The following POTEI variants were observed in gnomAD, a reference collection of about 807,000 sequenced individuals.
The protein encoded by POTEI is POTE ankyrin domain family, member I.
A neutral mutation model predicts 43.4 loss-of-function variants in POTEI; 14 were observed. The ratio of observed to expected loss-of-function variants is 0.32; its 90% CI spans 0.21 to 0.50. The LOEUF is 0.50. Among genes scored for constraint, POTEI ranks in the 20% least tolerant of loss-of-function variants. The probability of loss-of-function intolerance (pLI) is 0.98; values close to 1 mark genes in which losing one functional copy is unlikely to be tolerated. For missense variants in POTEI, 235 were observed against 795.4 expected (o/e 0.30, Z 8.47); for synonymous variants, 95 against 297.9 (o/e 0.32, Z 7.01).
intron 3 of POTEI, among the ~76,000 whole-genome samples, chr2:130,502,074 TG>T (rs1169488499): frequency 2.1e-5 from 1 of 47,904 alleles, no homozygotes; most frequent in African/African-American, 4.3e-5. Flanking sequence ...AGAAAATTGT[TG>T]TTGTTGTCGT....
At chr2:130,496,381 C>T (rs1573934847) in intron 6 of POTEI, among the ~76,000 whole-genome samples, 171 bp downstream of exon 6, 1 of 104,396 alleles carries the variant, frequency 9.6e-6, no homozygotes. Context: ...TTATATATTA[C>T]AATGTGATAA....
At position 130,488,555 on chromosome 2, in the gene POTEI, A is replaced by G. The variant is rs544670403; in HGVS notation, c.1243-357T>C. On this transcript the variant is annotated intron_variant, in intron 8 of 14. Coordinates refer to ENST00000451531, the MANE Select transcript of POTEI (RefSeq NM_001277406.2). ...CTCATGGGAACACGCAAATAAAAAG[A>G]CAAAGATGCAAAATGTGTCTTCTGT... Among the ~76,000 whole-genome samples the G allele has an allele frequency of 5.6e-3, 680 of 121,530 alleles. 43 individuals carry two copies. Among genetic ancestry groups the G allele is most frequent in the African/African-American group, 0.02 (628 of 32,182 alleles). 79.7% of individuals were successfully genotyped at this position (121,530 alleles called of 152,430 possible).
chr2:130,485,150 T>C (rs1275149160), intron 9 of POTEI, among the ~76,000 whole-genome samples: 1 of 151,414 alleles, frequency 6.6e-6, no homozygotes, highest in Non-Finnish European at 1.5e-5. Flanking sequence ...AATCTGGAAT[T>C]AAGGAGAGAG....
upstream of POTEI, chr2:130,509,643 C>T (rs900599980): frequency 8.1e-5 from 6 of 73,620 alleles, no homozygotes; most frequent in African/African-American, 5.3e-4. Flanking sequence ...CAAGCCAAGC[C>T]GCTACAGGCC....
chr2:130,491,237 T>C (rs1174990571), intron 6 of POTEI, among the ~76,000 whole-genome samples: 858 of 138,544 alleles, frequency 6.2e-3, no homozygotes, highest in Non-Finnish European at 9.9e-3. Flanking sequence ...AACAAAATCC[T>C]TTACTGTCTC....
intron 6 of POTEI, 39 bp downstream of exon 6, chr2:130,496,513 G>T (rs1407767409): frequency 2.3e-6 from 3 of 1,322,954 alleles, no homozygotes; most frequent in East Asian, 5.7e-5. Flanking sequence ...AAAAGGTTGG[G>T]GACAACTGAC....
rs540486441 is a variant in POTEI at position 130,496,703 on chromosome 2, G to C, written c.1056-81C>G. On this transcript the variant is annotated intron_variant, in intron 5 of 14. Transcript: ENST00000451531. ...CTTACCAAATGTAGAATTATTAAGA[G>C]TATTTCAAACAATATCAGAATATCA... 2,306 of 1,475,020 alleles carry C rather than the reference G, an allele frequency of 1.6e-3. 22 individuals carry two copies. Among genetic ancestry groups the C allele is most frequent in the Non-Finnish European group, 1.9e-3 (2,017 of 1,088,726 alleles). 91.4% of individuals were successfully genotyped at this position (1,475,020 alleles called of 1,614,324 possible). A position where few individuals can be genotyped will look rare whatever the true frequency, so the allele number is the denominator to read the frequency against.
intron 10 of POTEI, among the ~76,000 whole-genome samples, chr2:130,477,039 T>C (rs1298559672): frequency 6.7e-5 from 10 of 148,978 alleles, no homozygotes; most frequent in Admixed American, 1.3e-4. Context: ...TTCCTAATAG[T>C]ACCTTATAAA....
intron 5 of POTEI, 65 bp from the exon 6 acceptor site, chr2:130,496,687 T>C: frequency 9.9e-6 from 15 of 1,520,890 alleles, no homozygotes; most frequent in Middle Eastern, 2.4e-4. Context: ...ACTTACCAAA[T>C]GTAGAATTAT....
At chr2:130,479,256 A>G (rs1275712465) in intron 10 of POTEI, among the ~76,000 whole-genome samples, 1 of 151,010 alleles carries the variant, frequency 6.6e-6, no homozygotes, top group Non-Finnish European at 1.5e-5. Context: ...CCAACTATTA[A>G]TGTTATTTCT....
At position 130,461,564 on chromosome 2, in the gene POTEI, G is replaced by T. The variant is rs965659251; in HGVS notation, c.*1252C>A. The T allele has an allele frequency of 6.6e-6, 1 of 152,154 alleles. No homozygotes were observed. Among genetic ancestry groups the T allele is most frequent in the South Asian group, 2.1e-4 (1 of 4,830 alleles). 9.4% of individuals were successfully genotyped at this position (152,154 alleles called of 1,614,324 possible). A position where few individuals can be genotyped will look rare whatever the true frequency, so the allele number is the denominator to read the frequency against. On this transcript the variant is annotated 3_prime_UTR_variant, in exon 15 of 15. Coordinates refer to ENST00000451531, the MANE Select transcript of POTEI (RefSeq NM_001277406.2). ...CCGCAGGCCAGAATGGCTAGTCACC[G>T]AAAGAGCAAAGGTGGGGGCCTGCCC...
intron 10 of POTEI, among the ~76,000 whole-genome samples, chr2:130,480,402 A>G (rs1174538119): frequency 1.3e-5 from 2 of 151,008 alleles, no homozygotes; most frequent in Non-Finnish European, 2.9e-5. Flanking sequence ...GGTAATAGCA[A>G]AAGTGAACTG....
chr2:130,507,413 T>A lies in POTEI; in HGVS notation c.521+1302A>T, dbSNP rs1436057820. On this transcript the variant is annotated intron_variant, in intron 1 of 14. Transcript: ENST00000451531. ...ATATATATGTATATATGTGTATATATATGTATATATATATATATCTGCGTA... is the reference window on the plus strand; with the variant it reads ...ATATATATGTATATATGTGTATATAAATGTATATATATATATATCTGCGTA... 0.014 allele frequency among the ~76,000 whole-genome samples: 20 copies of A among 1,438 alleles called. No homozygotes were observed. In the South Asian group the frequency reaches 0.5, roughly 36 times the overall value. 0.9% of individuals were successfully genotyped at this position (1,438 alleles called of 152,430 possible).
rs554439586 is a variant in POTEI, at chr2:130,491,793, T to C, written c.1127-1053A>G. ...TCTCAGTCTCCGGAGAAGCTGGGAT[T>C]ACAGGCATGCACCATCATGCCCTGC... On this transcript the variant is annotated intron_variant, in intron 6 of 14. Coordinates refer to ENST00000451531, the MANE Select transcript of POTEI (RefSeq NM_001277406.2). Among the ~76,000 whole-genome samples the C allele has an allele frequency of 8.8e-4, 94 of 107,310 alleles. 1 individual carries two copies. The South Asian group carries it at 0.012, about 13-fold the overall frequency. 70.4% of individuals were successfully genotyped at this position (107,310 alleles called of 152,430 possible).
chr2:130,480,471 T>C (rs1045780919), intron 10 of POTEI, among the ~76,000 whole-genome samples: 20 of 150,798 alleles, frequency 1.3e-4, no homozygotes, highest in Non-Finnish European at 2.7e-4. Context: ...CTGCTCTTCC[T>C]CCCAAACGGG....
rs1372386680 is a variant in POTEI at position 130,494,046 on chromosome 2, AGCAAACTATAG to A, written c.1126+2495_1126+2505del. On this transcript the variant is annotated intron_variant, in intron 6 of 14. Coordinates refer to ENST00000451531, the MANE Select transcript of POTEI (RefSeq NM_001277406.2). Reference sequence around the variant, plus strand: ...TGGTAAAGAACCTTCCATCAATCCCAGCAAACTATAGGCCACAGGCCAAATCCAATCTGCAT... The same window carrying A: ...TGGTAAAGAACCTTCCATCAATCCCAGCCACAGGCCAAATCCAATCTGCAT... Among the ~76,000 whole-genome samples the A allele has an allele frequency of 4.7e-5, 2 of 42,660 alleles. 1 individual carries two copies. The highest frequency in any genetic ancestry group is 1.1e-4 in the Non-Finnish European group (2 of 18,250). 28.0% of individuals were successfully genotyped at this position (42,660 alleles called of 152,430 possible).
chr2:130,484,312 A>T (rs1233732325), intron 9 of POTEI, among the ~76,000 whole-genome samples: 2 of 145,462 alleles, frequency 1.4e-5, no homozygotes, highest in Non-Finnish European at 3.0e-5. Flanking sequence ...GAAGTTAGAG[A>T]TGATAAATCA....
chr2:130,468,972 A>G (rs1229935228), intron 13 of POTEI, among the ~76,000 whole-genome samples: 1 of 151,544 alleles, frequency 6.6e-6, no homozygotes, highest in Non-Finnish European at 1.5e-5. Context: ...AAAACACAGA[A>G]TATGACTATC....
chr2:130,477,935 C>T (rs76976891), intron 10 of POTEI, among the ~76,000 whole-genome samples: 7 of 114,518 alleles, frequency 6.1e-5, no homozygotes, highest in Non-Finnish European at 1.2e-4. Context: ...TTGCCAGCAG[C>T]TCAGTAATGC....
Sources: gnomAD v4.1 joint callset for allele counts (sites outside exome capture counted in the v4.1 genomes callset) on GRCh38, gnomAD v4.1.1 for gene constraint, MANE v1.5 for transcripts, NCBI Gene and HGNC (gene_info 2026-07-23, HGNC 2026-07-21) for gene names.